Variants in FAHD1 observed in about 807,000 individuals in gnomAD.
FAHD1 encodes FAH domain containing oxaloacetate decarboxylase 1, also known as oxaloacetate tautomerase FAHD1, mitochondrial.
Under a neutral mutation model 12.7 loss-of-function variants are expected in FAHD1, and 14 were observed. The observed-to-expected ratio is 1.10, with a 90% CI of 0.73 to 1.72. The LOEUF (loss-of-function observed/expected upper bound fraction) is 1.72, where lower values mean the gene tolerates loss of function less well. Among genes scored for constraint, FAHD1 ranks in the 40% most tolerant of loss-of-function variants. The pLI is 0.00. For synonymous variants in FAHD1, 153 were observed against 124.9 expected (o/e 1.22, Z -1.50); for missense variants, 351 against 298.9 (o/e 1.17, Z -1.29).
chr16:1,834,038 G>A (rs1898673275), intron 1 of FAHD1: 1 of 409,782 alleles, frequency 2.4e-6, no homozygotes, highest in Non-Finnish European at 4.3e-6. Context: ...AACTTGGGAG[G>A]AGACAAGGCA....
chr16:1,835,022 A>G (rs1332909557), intron 1 of FAHD1, among the ~76,000 whole-genome samples: 8 of 150,758 alleles, frequency 5.3e-5, no homozygotes, highest in African/African-American at 1.5e-4. Flanking sequence ...TGGGAGGCCA[A>G]GGCAGGTAGA....
At chr16:1,832,928 T>C (rs150910254), downstream of FAHD1, among the ~76,000 whole-genome samples, 4 of 152,262 alleles carry the variant, frequency 2.6e-5, no homozygotes, top group Non-Finnish European at 5.9e-5. Flanking sequence ...GCATCCCTCC[T>C]CTGTGGCTGC....
At chr16:1,829,362 A>G (rs1898582562), downstream of FAHD1, among the ~76,000 whole-genome samples, 1 of 152,198 alleles carries the variant, frequency 6.6e-6, no homozygotes, top group Admixed American at 6.5e-5. Context: ...CAACCAAGCC[A>G]TAAGCTTAGT....
chr16:1,839,189 T>A, intron 2 of FAHD1: 1 of 1,459,866 alleles, frequency 6.8e-7, no homozygotes, highest in Non-Finnish European at 9.1e-7. Flanking sequence ...AAACAACCTA[T>A]ATTTTTTTGG....
chr16:1,828,624 A>G (rs1898560940), exon 1 of FAHD1: 5 of 994,640 alleles, frequency 5.0e-6, no homozygotes, highest in Middle Eastern at 5.3e-4. Context: ...GCATTTGTAA[A>G]AATAAAAATC....
downstream of FAHD1, among the ~76,000 whole-genome samples, chr16:1,832,305 G>C (rs1187926090): frequency 6.8e-6 from 1 of 148,128 alleles, no homozygotes; most frequent in African/African-American, 2.5e-5. Context: ...CGAGTAGCTG[G>C]GACTACAGGC....
chr16:1,830,914 C>A (rs113890743), downstream of FAHD1, among the ~76,000 whole-genome samples: 1,664 of 48,236 alleles, frequency 0.034, 20 homozygotes, highest in Non-Finnish European at 0.043. Context: ...CTCTCTCTCT[C>A]TATACACACA....
chr16:1,839,008 A>G (rs55706738), intron 2 of FAHD1, among the ~76,000 whole-genome samples: 27,009 of 152,080 alleles, frequency 0.18, 2,535 homozygotes, highest in South Asian at 0.27. Context: ...CATCATGTTT[A>G]TTTATCCATT....
chr16:1,827,861 G>C (rs777226982), exon 1 of FAHD1: 1 of 1,613,946 alleles, frequency 6.2e-7, no homozygotes, highest in East Asian at 2.2e-5. Context: ...GGCATACACG[G>C]GCTGGTCAGT....
intron 1 of FAHD1, chr16:1,834,309 G>T: frequency 6.2e-7 from 1 of 1,613,332 alleles, no homozygotes. Context: ...GGATCTGCAA[G>T]CTTGCACGAG....
At chr16:1,828,298 C>G (rs1056091572) in exon 1 of FAHD1, 1 of 913,258 alleles carries the variant, frequency 1.1e-6, no homozygotes, top group Non-Finnish European at 1.3e-6. Context: ...AAAAAAGAAA[C>G]CATTTATTTT....
rs1039525023 is a variant in FAHD1 at position 1,837,656 on chromosome 16, C to T, written c.628-360C>T. 64 of 513,692 alleles carry T rather than the reference C, an allele frequency of 1.2e-4. 2 individuals carry two copies. In the Admixed American group the frequency reaches 1.9e-3, roughly 15 times the overall value. The allele number at this position is 513,692 out of a possible 1,614,324, so 31.8% of individuals were successfully genotyped here. ...TCCTTTGCTTTTAGGATAGCTGAAT[C>T]CTTATGCACATCTGGGAACTGGGCA... On this transcript the variant is annotated intron_variant, in intron 1 of 2. Transcript: ENST00000382666.
chr16:1,839,115 T>C, intron 2 of FAHD1: 1 of 991,802 alleles, frequency 1.0e-6, no homozygotes, highest in Non-Finnish European at 1.4e-6. Flanking sequence ...AATGTGTGTT[T>C]AAAGCAAGAT....
intron 2 of FAHD1, among the ~76,000 whole-genome samples, chr16:1,838,478 TTGCCAAATGCAC>T (rs991051952): frequency 1.3e-5 from 2 of 152,200 alleles, no homozygotes; most frequent in African/African-American, 4.8e-5. Context: ...CAGGTGCCTA[TTGCCAAATGCAC>T]ATGCTAATCC....
chr16:1,839,664 G>C, exon 3 of FAHD1: 1 of 453,742 alleles, frequency 2.2e-6, no homozygotes. Flanking sequence ...TCCTCTGCCT[G>C]CCCTCCTTCC....
exon 3 of FAHD1, chr16:1,839,579 G>C: frequency 2.8e-6 from 2 of 705,462 alleles, no homozygotes; most frequent in Non-Finnish European, 4.5e-6. Flanking sequence ...CGGTCTACAA[G>C]ACAGTCGTAA....
In FAHD1 at chr16:1,838,048, G is replaced by GTGCAGCAGTGCTATCACAGCTCAC. The variant is rs1401268499; in HGVS notation, c.667_690dup (p.Ser223_Ser230dup). ...GTCTCACTCTGTCGCCCAAGCTGGA[G>GTGCAGCAGTGCTATCACAGCTCAC]TGCAGCAGTGCTATCACAGCTCACT... On this transcript the variant is annotated inframe_insertion, in exon 2 of 3. Transcript: ENST00000382666. 5 of 1,201,388 alleles carry GTGCAGCAGTGCTATCACAGCTCAC rather than the reference G, an allele frequency of 4.2e-6. No homozygotes were observed. The South Asian group carries it at 8.2e-5, about 20-fold the overall frequency. 74.4% of individuals were successfully genotyped at this position (1,201,388 alleles called of 1,614,324 possible).
downstream of FAHD1, among the ~76,000 whole-genome samples, chr16:1,832,281 C>A (rs1464704002): frequency 1.4e-5 from 2 of 144,582 alleles, no homozygotes; most frequent in East Asian, 4.1e-4. Context: ...CGCCATTCTC[C>A]TGCCTCAGCC....
chr16:1,837,828 A>G, intron 1 of FAHD1: 1 of 1,541,798 alleles, frequency 6.5e-7, no homozygotes, highest in Non-Finnish European at 8.8e-7. Flanking sequence ...TGCCACTTTA[A>G]TGCTGTTTTC....
Sources: gnomAD v4.1 joint callset for allele counts (sites outside exome capture counted in the v4.1 genomes callset) on GRCh38, gnomAD v4.1.1 for gene constraint, MANE v1.5 for transcripts, NCBI Gene and HGNC (gene_info 2026-07-23, HGNC 2026-07-21) for gene names.